The following ACAD10 variants were observed in gnomAD, a reference collection of about 807,000 sequenced individuals.
ACAD10 encodes ACAD-10.
ACAD10 carries 112 observed loss-of-function variants against 116.8 expected under a neutral mutation model. The ratio of observed to expected loss-of-function variants is 0.96; its 90% CI spans 0.82 to 1.12. The LOEUF (loss-of-function observed/expected upper bound fraction) is 1.12. Ranked by LOEUF, ACAD10 falls within the 50% of genes most tolerant of loss-of-function variation. ACAD10 has a pLI of 0.00. For missense variants in ACAD10, 1,259 were observed against 1,350.2 expected (o/e 0.93, Z 1.06); for synonymous variants, 486 against 510.6 (o/e 0.95, Z 0.65).
chr12:111,720,847 G>C (rs570977035), intron 7 of ACAD10, among the ~76,000 whole-genome samples: 4 of 151,764 alleles, frequency 2.6e-5, no homozygotes, highest in Non-Finnish European at 4.4e-5. Flanking sequence ...ACAGTGGAGC[G>C]ATCTTGGCTC....
At chr12:111,748,059 C>A (rs1889966320) in intron 16 of ACAD10, among the ~76,000 whole-genome samples, 1 of 152,134 alleles carries the variant, frequency 6.6e-6, no homozygotes, top group Non-Finnish European at 1.5e-5. Flanking sequence ...ATCCTCTTGT[C>A]TCTAAATTAT....
chr12:111,723,585 G>A (rs1318865709), intron 8 of ACAD10, among the ~76,000 whole-genome samples: 15 of 139,504 alleles, frequency 1.1e-4, no homozygotes, highest in Admixed American at 3.4e-4. Flanking sequence ...GTGGCTGGCC[G>A]GGTGGGGGGC....
chr12:111,756,306 C>T (rs769941618), intron 20 of ACAD10, 27 bp from the exon 21 acceptor site: 54 of 1,559,222 alleles, frequency 3.5e-5, no homozygotes, highest in Admixed American at 8.1e-5. Context: ...GACCCAGGGC[C>T]GCCTCCCTCC....
rs184743333 is a variant in ACAD10, at chr12:111,690,315, G to A, written c.-13-2382G>A. ...GTTTCATATATATCTTATACACCTA[G>A]CCTGATGGTAATTTTATACAATATT... On this transcript the variant is annotated intron_variant, in intron 1 of 20. Coordinates refer to ENST00000313698, the MANE Select transcript of ACAD10 (RefSeq NM_025247.6). The A allele has an allele frequency of 4.4e-4, 67 of 152,138 alleles. 1 individual carries two copies. Among genetic ancestry groups the A allele is most frequent in the Admixed American group, 4.1e-3 (62 of 15,274 alleles). The allele number at this position is 152,138 out of a possible 1,614,324, so 9.4% of individuals were successfully genotyped here.
intron 11 of ACAD10, among the ~76,000 whole-genome samples, chr12:111,735,268 A>G (rs1889515405): frequency 6.6e-6 from 1 of 151,908 alleles, no homozygotes; most frequent in African/African-American, 2.4e-5. Context: ...GTTAATTCCT[A>G]TTTAGATATT....
At chr12:111,690,695 G>A (rs1465993296) in intron 1 of ACAD10, 2 of 148,810 alleles carry the variant, frequency 1.3e-5, no homozygotes, top group African/African-American at 2.5e-5. Flanking sequence ...TGAGGCAGGA[G>A]AATCACTTGA....
intron 8 of ACAD10, among the ~76,000 whole-genome samples, chr12:111,725,654 C>T (rs1358184062): frequency 6.6e-6 from 1 of 152,034 alleles, no homozygotes; most frequent in African/African-American, 2.4e-5. Context: ...CCTGCCTTAG[C>T]CTCCCAAGTA....
Position 111,715,839 on chromosome 12 carries a change from AG to A in ACAD10, c.870del (p.Gln290HisfsTer20). The A allele has an allele frequency of 6.2e-7, 1 of 1,614,178 alleles. No homozygotes were observed. Among genetic ancestry groups the A allele is most frequent in the Non-Finnish European group, 8.5e-7 (1 of 1,180,024 alleles). The part of the protein sequence containing the change: ...IQTTGPLELL[Q>X]FDHGQSNPTY... ...CTTGCAGGCCCATTGGAACTACTTC[AG>A]TTTGATCACGGGCAGTCAAATCCAA... On this transcript the variant is annotated frameshift_variant, in exon 7 of 21. Coordinates refer to ENST00000313698, the MANE Select transcript of ACAD10 (RefSeq NM_025247.6). LOFTEE classifies it high-confidence loss of function.
At chr12:111,721,593 A>G in intron 7 of ACAD10, 78 bp from the exon 8 acceptor site, 1 of 1,372,068 alleles carries the variant, frequency 7.3e-7, no homozygotes, top group Non-Finnish European at 1.0e-6. Context: ...CAAACAAACA[A>G]AAAACAAAGA....
intron 1 of ACAD10, among the ~76,000 whole-genome samples, chr12:111,688,697 C>T (rs577150594): frequency 7.2e-5 from 11 of 151,776 alleles, no homozygotes; most frequent in African/African-American, 2.4e-4. Flanking sequence ...CTCAGCTACT[C>T]GGGAGGCTGA....
In ACAD10 at chr12:111,747,113, C is replaced by G. The variant is rs759706100; in HGVS notation, c.2321C>G (p.Ala774Gly). Residue 774 changes from alanine (A) to glycine (G), a missense_variant, in exon 15 of 21, where the codon GCG (alanine) becomes GGG (glycine). Physicochemically the swap from Ala to Gly is moderately conservative, Grantham distance 60. Transcript: ENST00000313698. Reference sequence around the variant, plus strand: ...CTGCTGGTGAGGTATGGCACCGAAGCGCAGAAGGCTCGCTGGCTGATTCCT... The same window carrying G: ...CTGCTGGTGAGGTATGGCACCGAAGGGCAGAAGGCTCGCTGGCTGATTCCT... Reference protein sequence around the residue: ...MELLVRYGTEAQKARWLIPLL... With the variant: ...MELLVRYGTEGQKARWLIPLL... 1.2e-6 allele frequency: 2 copies of G among 1,613,342 alleles called. No homozygotes were observed.
At chr12:111,743,717 G>A (rs1889812284) in intron 12 of ACAD10, among the ~76,000 whole-genome samples, 1 of 152,072 alleles carries the variant, frequency 6.6e-6, no homozygotes, top group Non-Finnish European at 1.5e-5. Flanking sequence ...TTAAGGAGGT[G>A]TATGTACACC....
chr12:111,723,191 G>A (rs1889081106), intron 8 of ACAD10, among the ~76,000 whole-genome samples: 1 of 140,332 alleles, frequency 7.1e-6, no homozygotes, highest in African/African-American at 2.6e-5. Flanking sequence ...CCGGGTGGGG[G>A]GCTGACCCCC....
In ACAD10 at chr12:111,744,800, C is replaced by T. The variant is rs1889842233; in HGVS notation, c.1872C>T (p.Pro624=). The part of the protein sequence containing the change: ...LTRSYHTWAR[P]QSQWCPTGSR... ...GGTCCTACCACACGTGGGCCAGGCC[C>T]CAGTCCCAGTGGTGCCCCACAGGCA... Residue 624 remains proline, a synonymous_variant, in exon 13 of 21, where the codon CCC becomes CCT. Coordinates refer to ENST00000313698, the MANE Select transcript of ACAD10 (RefSeq NM_025247.6). 1 of 1,614,130 alleles carries T rather than the reference C, an allele frequency of 6.2e-7. No individual in the cohort carries two copies. The highest frequency in any genetic ancestry group is 8.5e-7 in the Non-Finnish European group (1 of 1,180,056).
intron 19 of ACAD10, among the ~76,000 whole-genome samples, chr12:111,754,601 C>G (rs1363095025): frequency 6.6e-6 from 1 of 150,604 alleles, no homozygotes; most frequent in Non-Finnish European, 1.5e-5. Context: ...CACCCAAGAC[C>G]CTCAACCATC....
At chr12:111,693,958 A>G (rs1888125438) in intron 2 of ACAD10, among the ~76,000 whole-genome samples, 1 of 151,520 alleles carries the variant, frequency 6.6e-6, no homozygotes. Context: ...GTGACTTTTC[A>G]TTTCCACTCT....
chr12:111,695,066 T>A (rs771661427), intron 2 of ACAD10, among the ~76,000 whole-genome samples: 1 of 152,170 alleles, frequency 6.6e-6, no homozygotes, highest in Non-Finnish European at 1.5e-5. Context: ...ATAGATCTTG[T>A]TCCTTTCATC....
At chr12:111,720,542 C>T (rs996976211) in intron 7 of ACAD10, among the ~76,000 whole-genome samples, 1 of 151,992 alleles carries the variant, frequency 6.6e-6, no homozygotes, top group Non-Finnish European at 1.5e-5. Context: ...TTTCAAATGT[C>T]CCTCTTTATC....
At position 111,727,971 on chromosome 12, in the gene ACAD10, C is replaced by T. The variant is rs138096024; in HGVS notation, c.1071C>T (p.Gly357=). 53 of 1,608,826 alleles carry T rather than the reference C, an allele frequency of 3.3e-5. No individual in the cohort carries two copies. Among genetic ancestry groups the T allele is most frequent in the East Asian group, 8.9e-5 (4 of 44,886 alleles). The change falls in exon 9 of 21, where the codon GGC becomes GGT. Residue 357 remains glycine, a synonymous_variant. Transcript: ENST00000313698. ...LDLCEDSSVI[G]TPFYVMEYCP... ...TCTGTGTTCCTCCCAGTGTCATTGG[C>T]ACCCCCTTCTATGTGATGGAGTACT... is the stretch of plus-strand genomic sequence containing the variant.
Sources: allele counts gnomAD v4.1 joint callset (sites outside exome capture counted in the v4.1 genomes callset), GRCh38; gene constraint gnomAD v4.1.1; transcripts MANE v1.5; gene names NCBI Gene and HGNC (gene_info 2026-07-23, HGNC 2026-07-21).